The following USP45 variants were observed in gnomAD, a reference collection of about 807,000 sequenced individuals.
USP45 encodes the protein ubiquitin specific peptidase 45.
Under a neutral mutation model 95.8 loss-of-function variants are expected in USP45, and 89 were observed. That is an observed-to-expected ratio of 0.93 (90% CI 0.78 to 1.11). The LOEUF is 1.11. Among genes scored for constraint, USP45 ranks in the 50% least tolerant of loss-of-function variants. USP45 has a pLI of 0.00. For missense variants in USP45, 898 were observed against 942.5 expected, an observed-to-expected ratio of 0.95 and a Z score of 0.62; for synonymous variants, 281 against 316.2, an observed-to-expected ratio of 0.89 and a Z score of 1.18.
intron 17 of USP45, among the ~76,000 whole-genome samples, chr6:99,436,524 C>G (rs964181571): frequency 6.6e-6 from 1 of 152,078 alleles, no homozygotes; most frequent in Non-Finnish European, 1.5e-5. Context: ...CCACTGCAAT[C>G]CAGCCTGGGT....
At chr6:99,515,096 G>A (rs545895847) in intron 1 of USP45, 22 of 152,492 alleles carry the variant, frequency 1.4e-4, no homozygotes, top group African/African-American at 4.8e-4. Context: ...TGAGGCGGAC[G>A]GAAAGGTGTG....
Position 99,463,688 on chromosome 6 carries a change from T to C in USP45, c.1308+916A>G, listed in dbSNP as rs192268699. Among the ~76,000 whole-genome samples the C allele has an allele frequency of 1.8e-3, 278 of 151,064 alleles. 2 individuals carry two copies. The highest frequency in any genetic ancestry group is 5.7e-3 in the East Asian group (29 of 5,074). On this transcript the variant is annotated intron_variant, in intron 13 of 17. Transcript: ENST00000500704. The stretch of plus-strand genomic sequence containing the variant: ...TTAGCCGGGTGTGGTGACATGCGCC[T>C]GTACTCCCAGCTACTCAGGAGGCTG...
chr6:99,434,332 C>G lies in USP45; in HGVS notation c.*1384G>C, dbSNP rs1409180873. The G allele has an allele frequency of 1.3e-5, 2 of 152,158 alleles. No individual in the cohort carries two copies. The highest frequency in any genetic ancestry group is 2.9e-5 in the Non-Finnish European group (2 of 68,024). 9.4% of individuals were successfully genotyped at this position (152,158 alleles called of 1,614,324 possible). ...CCATACCTTATCTGCAGCCACTATT[C>G]TTATCCTTTCTTCCCAGGAGGAGAA... On this transcript the variant is annotated 3_prime_UTR_variant, in exon 18 of 18. Coordinates refer to ENST00000500704, the MANE Select transcript of USP45 (RefSeq NM_001346022.3).
At chr6:99,477,913 C>A (rs1030529102) in intron 8 of USP45, among the ~76,000 whole-genome samples, 1 of 152,188 alleles carries the variant, frequency 6.6e-6, no homozygotes, top group Non-Finnish European at 1.5e-5. Context: ...ACCTCCACAG[C>A]TGGCATCAGG....
intron 8 of USP45, among the ~76,000 whole-genome samples, chr6:99,477,991 T>C (rs80066282): frequency 4.0e-4 from 61 of 152,244 alleles, no homozygotes; most frequent in African/African-American, 1.4e-3. Flanking sequence ...AAGTAGCAGA[T>C]GACTAGAGGA....
At chr6:99,501,849 G>A in intron 5 of USP45, 1 of 1,188,370 alleles carries the variant, frequency 8.4e-7, no homozygotes, top group African/African-American at 1.6e-5. Flanking sequence ...AGGTTCCTGG[G>A]AAGTACCCTC....
Position 99,467,966 on chromosome 6 carries a change from G to T in USP45, c.1015+571C>A, listed in dbSNP as rs571597436. 33 of 278,066 alleles carry T rather than the reference G, an allele frequency of 1.2e-4. 1 individual carries two copies. Among genetic ancestry groups the T allele is most frequent in the African/African-American group, 6.2e-4 (28 of 45,114 alleles). The allele number at this position is 278,066 out of a possible 1,614,324, so 17.2% of individuals were successfully genotyped here. On this transcript the variant is annotated intron_variant, in intron 10 of 17. Coordinates refer to ENST00000500704, the MANE Select transcript of USP45 (RefSeq NM_001346022.3). ...ATGCAGAATATACATTTAGGGCAAG[G>T]TATATAAACCCTATATAGTATTGAT...
Position 99,437,298 on chromosome 6 carries a change from T to A in USP45, c.2262A>T (p.Arg754Ser), listed in dbSNP as rs749883116. ...EGHYTAYVKV[R>S]TPSRKLSEHN... ...GTTCCGATAATTTCCTGGAGGGTGT[T>A]CTCACTTTCACATAAGCAGTGTAGT... Residue 754 changes from arginine to serine, a missense_variant, in exon 17 of 18, where the codon AGA becomes AGT. Arg to Ser is a moderately radical substitution (Grantham distance 110). Transcript: ENST00000500704. The A allele has an allele frequency of 2.5e-6, 4 of 1,613,860 alleles. No homozygotes were observed. The South Asian group carries it at 4.4e-5, about 18-fold the overall frequency.
At chr6:99,474,944 A>G (rs1287860507) in intron 9 of USP45, among the ~76,000 whole-genome samples, 2 of 152,158 alleles carry the variant, frequency 1.3e-5, no homozygotes, top group Non-Finnish European at 2.9e-5. Context: ...CCTACAATCA[A>G]CACTGGGGAA....
chr6:99,435,711 A>G lies in USP45; in HGVS notation c.*5T>C. ...AATGACCTAAATAATCATTACCATTAATAGTTATAATACTCTTTCATAGAA... is the reference window on the plus strand; with the variant it reads ...AATGACCTAAATAATCATTACCATTGATAGTTATAATACTCTTTCATAGAA... On this transcript the variant is annotated 3_prime_UTR_variant, in exon 18 of 18. Coordinates refer to ENST00000500704, the MANE Select transcript of USP45 (RefSeq NM_001346022.3). 6.2e-7 allele frequency: 1 copy of G among 1,609,224 alleles called. No homozygotes were observed. The highest frequency in any genetic ancestry group is 1.1e-5 in the South Asian group (1 of 90,454).
Position 99,446,179 on chromosome 6 carries a change from A to C in USP45, c.1593T>G (p.Asp531Glu), listed in dbSNP as rs746939597. ...RSSSGSGVQP[D>E]GPLYPLSAGK... ...CTGCTGACAGAGGGTAAAGGGGTCC[A>C]TCTGGCTGCACACCGGATCCACTAC... The change falls in exon 14 of 18, where the codon GAT (aspartate) becomes GAG (glutamate). Residue 531 changes from aspartate to glutamate, a missense_variant. Physicochemically the swap from Asp to Glu is conservative, Grantham distance 45. Transcript: ENST00000500704. 58 of 1,614,044 alleles carry C rather than the reference A, an allele frequency of 3.6e-5. No homozygotes were observed. The highest frequency in any genetic ancestry group is 4.7e-5 in the Non-Finnish European group (55 of 1,180,040).
At chr6:99,454,964 C>A (rs1784688478) in intron 13 of USP45, among the ~76,000 whole-genome samples, 1 of 151,754 alleles carries the variant, frequency 6.6e-6, no homozygotes, top group Non-Finnish European at 1.5e-5. Flanking sequence ...ATGGCAGGTG[C>A]CTGTAATGCC....
intron 5 of USP45, chr6:99,502,071 T>C (rs1797497758): frequency 2.4e-6 from 3 of 1,250,078 alleles, no homozygotes; most frequent in Non-Finnish European, 1.0e-6. Context: ...GTTAAATCAA[T>C]ATGGCCAATG....
intron 14 of USP45, among the ~76,000 whole-genome samples, chr6:99,443,933 T>A (rs1166345453): frequency 6.6e-6 from 1 of 152,170 alleles, no homozygotes; most frequent in Non-Finnish European, 1.5e-5. Flanking sequence ...TGGACTAGAA[T>A]TAATTTCTGT....
chr6:99,503,898 G>T, intron 4 of USP45, 33 bp from the exon 5 acceptor site: 3 of 1,399,732 alleles, frequency 2.1e-6, no homozygotes, highest in South Asian at 2.7e-5. Context: ...AAAATATTAT[G>T]AAAATATTCT....
intron 13 of USP45, among the ~76,000 whole-genome samples, chr6:99,448,385 G>A (rs533904165): frequency 3.9e-5 from 6 of 152,308 alleles, no homozygotes; most frequent in Admixed American, 2.0e-4. Flanking sequence ...GGAGAACTAC[G>A]TGACAAATGC....
intron 14 of USP45, 24 bp from the exon 15 acceptor site, chr6:99,443,686 T>C: frequency 7.0e-7 from 1 of 1,425,254 alleles, no homozygotes; most frequent in Non-Finnish European, 9.5e-7. Flanking sequence ...AATAAATTTA[T>C]TTATAAAATT....
In USP45 at chr6:99,466,751, T is replaced by C. The variant is rs1788078538; in HGVS notation, c.1028A>G (p.Glu343Gly). The C allele has an allele frequency of 6.2e-7, 1 of 1,613,164 alleles. No individual in the cohort carries two copies. The highest frequency in any genetic ancestry group is 8.5e-7 in the Non-Finnish European group (1 of 1,179,446). ...TRKKVKAYGK[E>G]GVKMNFIDRI... is the part of the protein sequence containing the mutation. The stretch of plus-strand genomic sequence containing the variant: ...ATCTATGAAGTTCATTTTCACACCT[T>C]CTTTTCCATATGCTGTAAAAATCAT... Residue 343 changes from glutamate (E) to glycine (G), a missense_variant, in exon 11 of 18, where the codon GAA becomes GGA. By Grantham distance (98) the Glu-to-Gly change is moderately conservative. Coordinates refer to ENST00000500704, the MANE Select transcript of USP45 (RefSeq NM_001346022.3).
intron 13 of USP45, among the ~76,000 whole-genome samples, chr6:99,449,031 A>G (rs938051393): frequency 5.9e-5 from 9 of 152,208 alleles, no homozygotes; most frequent in Non-Finnish European, 1.2e-4. Flanking sequence ...AGCACTAAAC[A>G]TGGAAAGGAA....
Sources: allele counts gnomAD v4.1 joint callset (sites outside exome capture counted in the v4.1 genomes callset), GRCh38; gene constraint gnomAD v4.1.1; transcripts MANE v1.5; gene names NCBI Gene and HGNC (gene_info 2026-07-23, HGNC 2026-07-21).